Variants in IQGAP1 observed in about 807,000 individuals in gnomAD.
IQGAP1 encodes ras GTPase-activating-like protein IQGAP1.
A neutral mutation model predicts 215.6 loss-of-function variants in IQGAP1; 66 were observed. That is an observed-to-expected ratio of 0.31 (90% CI 0.25 to 0.38). IQGAP1 has a LOEUF of 0.38. Among genes scored for constraint, IQGAP1 ranks in the 10% least tolerant of loss-of-function variants. The pLI, the probability that IQGAP1 is intolerant of heterozygous loss-of-function variation, is 1.00. For missense variants in IQGAP1, 1,712 were observed against 1,997.1 expected, an observed-to-expected ratio of 0.86 and a Z score of 2.72; for synonymous variants, 772 against 728.7, an observed-to-expected ratio of 1.06 and a Z score of -0.96.
intron 3 of IQGAP1, 79 bp downstream of exon 3, chr15:90,426,345 T>C (rs1244934317): frequency 1.4e-6 from 2 of 1,474,342 alleles, no homozygotes; most frequent in Non-Finnish European, 1.8e-6. Flanking sequence ...TAAGAGTTAT[T>C]GAGAAGTCTG....
intron 37 of IQGAP1, 39 bp from the exon 38 acceptor site, chr15:90,499,956 C>A (rs5020807): frequency 6.8e-4 from 772 of 1,131,092 alleles, no homozygotes; most frequent in Middle Eastern, 1.0e-3. Context: ...GATTAACTGT[C>A]AAAATGTTTT....
rs1193374129 is a variant in IQGAP1 at position 90,487,537 on chromosome 15, A to G, written c.4203A>G (p.Gly1401=). 6.2e-7 allele frequency: 1 copy of G among 1,614,028 alleles called. No homozygotes were observed. The highest frequency in any genetic ancestry group is 8.5e-7 in the Non-Finnish European group (1 of 1,179,994). The part of the protein sequence containing the change: ...LIVDVIRFQP[G]ETLTEILETP... The stretch of plus-strand genomic sequence containing the variant: ...TGGATGTCATCCGGTTCCAGCCAGG[A>G]GAGACCTTGACTGAAATCCTAGAAA... The change falls in exon 33 of 38, where the codon GGA becomes GGG. Residue 1401 remains glycine, a synonymous_variant. Coordinates refer to ENST00000268182, the MANE Select transcript of IQGAP1 (RefSeq NM_003870.4).
intron 15 of IQGAP1, among the ~76,000 whole-genome samples, chr15:90,458,206 T>C (rs894718839): frequency 6.6e-6 from 1 of 152,258 alleles, no homozygotes; most frequent in Non-Finnish European, 1.5e-5. Context: ...CTTCATTTCT[T>C]TTTGTTGCTG....
chr15:90,448,667 A>G lies in IQGAP1; in HGVS notation c.1008A>G (p.Arg336=). 1 of 1,612,332 alleles carries G rather than the reference A, an allele frequency of 6.2e-7. No individual in the cohort carries two copies. Among genetic ancestry groups the G allele is most frequent in the Non-Finnish European group, 8.5e-7 (1 of 1,179,202 alleles). ...TGCAGTCACCAGCCCTGGGGCTTCGAGGACTGCAGCAACAGAATAGCGACT... is the reference window on the plus strand; with the variant it reads ...TGCAGTCACCAGCCCTGGGGCTTCGGGGACTGCAGCAACAGAATAGCGACT... The part of the protein sequence containing the change: ...RALQSPALGL[R]GLQQQNSDWY... Residue 336 remains arginine (R), a synonymous_variant, in exon 10 of 38, where the codon CGA becomes CGG. Coordinates refer to ENST00000268182, the MANE Select transcript of IQGAP1 (RefSeq NM_003870.4).
At chr15:90,390,895 AG>A (rs772799737) in intron 2 of IQGAP1, 22 bp downstream of exon 2, 1 of 1,369,642 alleles carries the variant, frequency 7.3e-7, no homozygotes, top group Non-Finnish European at 1.0e-6. Context: ...CTGGCTGGAG[AG>A]AAGATTAAGA....
At position 90,473,580 on chromosome 15, in the gene IQGAP1, C is replaced by T. The variant is rs552761811; in HGVS notation, c.2350-135C>T. 30 of 636,296 alleles carry T rather than the reference C, an allele frequency of 4.7e-5. No individual in the cohort carries two copies. In the South Asian group the frequency reaches 5.0e-4, roughly 11 times the overall value. 39.4% of individuals were successfully genotyped at this position (636,296 alleles called of 1,614,324 possible). A position where few individuals can be genotyped will look rare whatever the true frequency, so the allele number is the denominator to read the frequency against. On this transcript the variant is annotated intron_variant, in intron 19 of 37. Coordinates refer to ENST00000268182, the MANE Select transcript of IQGAP1 (RefSeq NM_003870.4). ...ATGGCCCGTGCCCTTGTTCCCCTGT[C>T]ACTGCTGGAAGTGGTCCTTCCTAAA...
intron 2 of IQGAP1, among the ~76,000 whole-genome samples, chr15:90,407,169 T>C (rs1417340161): frequency 6.6e-6 from 1 of 152,216 alleles, no homozygotes; most frequent in African/African-American, 2.4e-5. Flanking sequence ...GTGTTGGTTG[T>C]CCATTAGTTG....
chr15:90,410,328 A>G (rs1271599019), intron 2 of IQGAP1, among the ~76,000 whole-genome samples: 1 of 152,200 alleles, frequency 6.6e-6, no homozygotes, highest in South Asian at 2.1e-4. Context: ...CAGCCATCCC[A>G]TTACTGGGTA....
At chr15:90,415,205 A>G (rs1384580703) in intron 2 of IQGAP1, among the ~76,000 whole-genome samples, 1 of 152,226 alleles carries the variant, frequency 6.6e-6, no homozygotes, top group Admixed American at 6.5e-5. Flanking sequence ...CTTATAAATT[A>G]CTGGCTATAT....
At chr15:90,441,446 T>C in intron 7 of IQGAP1, 60 bp from the exon 8 acceptor site, 14 of 1,427,978 alleles carry the variant, frequency 9.8e-6, no homozygotes, top group African/African-American at 1.4e-5. Context: ...GTGATATACA[T>C]CCTGTAATCT....
chr15:90,474,031 G>A (rs781735199), intron 21 of IQGAP1, 33 bp from the exon 22 acceptor site: 1 of 1,589,466 alleles, frequency 6.3e-7, no homozygotes, highest in South Asian at 1.1e-5. Flanking sequence ...GTAGACAGAT[G>A]AACAGAGAAA....
intron 2 of IQGAP1, among the ~76,000 whole-genome samples, chr15:90,395,386 T>C (rs184393111): frequency 6.6e-6 from 1 of 152,036 alleles, no homozygotes; most frequent in African/African-American, 2.4e-5. Flanking sequence ...AATGACGCTA[T>C]CTCGGCTCAC....
intron 30 of IQGAP1, 97 bp from the exon 31 acceptor site, chr15:90,485,933 G>T: frequency 1.1e-6 from 1 of 869,824 alleles, no homozygotes; most frequent in East Asian, 2.7e-5. Flanking sequence ...TAGGAACTTT[G>T]TTGGAACCTC....
intron 5 of IQGAP1, among the ~76,000 whole-genome samples, 178 bp from the exon 6 acceptor site, chr15:90,439,154 T>TAA (rs549451676): frequency 8.7e-6 from 1 of 115,454 alleles, no homozygotes; most frequent in Non-Finnish European, 1.7e-5. Context: ...TCATGTAAAC[T>TAA]AAAAAAAAAA....
intron 15 of IQGAP1, among the ~76,000 whole-genome samples, 160 bp downstream of exon 15, chr15:90,456,475 C>T (rs1965681912): frequency 6.6e-6 from 1 of 152,186 alleles, no homozygotes; most frequent in African/African-American, 2.4e-5. Flanking sequence ...GAGACATAGG[C>T]TCCACCTACT....
chr15:90,423,618 G>A (rs1965179462), intron 2 of IQGAP1, among the ~76,000 whole-genome samples: 1 of 152,208 alleles, frequency 6.6e-6, no homozygotes, highest in Non-Finnish European at 1.5e-5. Context: ...TATGTGGTGA[G>A]GTGACTTGGA....
In IQGAP1 at chr15:90,448,639, C is replaced by T; in HGVS notation, c.980C>T (p.Ala327Val). The T allele has an allele frequency of 6.2e-7, 1 of 1,612,368 alleles. No individual in the cohort carries two copies. Among genetic ancestry groups the T allele is most frequent in the Non-Finnish European group, 8.5e-7 (1 of 1,179,186 alleles). ...EQGDALALFR[A>V]LQSPALGLRG... ...GGAGATGCACTGGCCTTGTTCAGGG[C>T]TCTGCAGTCACCAGCCCTGGGGCTT... Residue 327 changes from alanine (A) to valine (V), a missense_variant, in exon 10 of 38, where the codon GCT becomes GTT. Transcript: ENST00000268182.
intron 26 of IQGAP1, among the ~76,000 whole-genome samples, chr15:90,480,104 T>C (rs1017071431): frequency 5.3e-5 from 8 of 151,534 alleles, no homozygotes; most frequent in Non-Finnish European, 8.8e-5. Flanking sequence ...AAAATGGAAA[T>C]TGAGCCAGGC....
chr15:90,471,072 C>A (rs892951100), intron 18 of IQGAP1, among the ~76,000 whole-genome samples: 1 of 152,090 alleles, frequency 6.6e-6, no homozygotes, highest in Non-Finnish European at 1.5e-5. Context: ...CCCTTTTCCC[C>A]ACCACCAGGT....
Sources: allele counts gnomAD v4.1 joint callset (sites outside exome capture counted in the v4.1 genomes callset), GRCh38; gene constraint gnomAD v4.1.1; transcripts MANE v1.5; gene names NCBI Gene and HGNC (gene_info 2026-07-23, HGNC 2026-07-21).